IL16: variants seen among roughly 807,000 people sequenced by gnomAD.
IL16 encodes interleukin 16, also known as pro-interleukin-16.
A neutral mutation model predicts 110.1 loss-of-function variants in IL16; 67 were observed. The ratio of observed to expected loss-of-function variants is 0.61; its 90% CI spans 0.50 to 0.75. The LOEUF (loss-of-function observed/expected upper bound fraction) is 0.75. IL16 is among the 30% of genes least tolerant of loss of function. IL16 has a pLI of 0.00. For synonymous variants in IL16, 689 were observed against 662.9 expected, an observed-to-expected ratio of 1.04 and a Z score of -0.61; for missense variants, 1,545 against 1,655.0, an observed-to-expected ratio of 0.93 and a Z score of 1.15.
chr15:81,251,824 A>G (rs1269916187), intron 2 of IL16, among the ~76,000 whole-genome samples: 2 of 152,174 alleles, frequency 1.3e-5, no homozygotes, highest in African/African-American at 4.8e-5. Flanking sequence ...CTGTTTCTGG[A>G]AAAAAATAGC....
intron 2 of IL16, among the ~76,000 whole-genome samples, chr15:81,255,594 G>A (rs985475441): frequency 2.0e-5 from 3 of 152,210 alleles, no homozygotes; most frequent in South Asian, 2.1e-4. Context: ...TGAGATTGCT[G>A]TTCCCAGGTG....
chr15:81,293,877 C>CA (rs2141583309), intron 12 of IL16, among the ~76,000 whole-genome samples: 1 of 152,328 alleles, frequency 6.6e-6, no homozygotes, highest in Admixed American at 6.5e-5. Context: ...TTAAATCTTA[C>CA]AACCACCTGA....
At chr15:81,198,361 G>A (rs8027891) in intron 1 of IL16, among the ~76,000 whole-genome samples, 37,170 of 151,796 alleles carry the variant, frequency 0.24, 6,426 homozygotes, top group East Asian at 0.48. Context: ...TCAGCTAGAC[G>A]TTCCCAGGAC....
At chr15:81,288,749 T>C (rs1333532888) in intron 10 of IL16, among the ~76,000 whole-genome samples, 1 of 152,228 alleles carries the variant, frequency 6.6e-6, no homozygotes, top group Non-Finnish European at 1.5e-5. Context: ...CTTCGCGTAA[T>C]GTCCTCAAGG....
At chr15:81,301,644 G>A (rs1900292801) in intron 15 of IL16, 132 bp downstream of exon 15, 3 of 705,724 alleles carry the variant, frequency 4.3e-6, no homozygotes, top group Non-Finnish European at 7.1e-6. Context: ...CTGTGATGGT[G>A]GGACACTGTA....
At chr15:81,202,207 T>C (rs1895842347) in intron 1 of IL16, among the ~76,000 whole-genome samples, 1 of 152,166 alleles carries the variant, frequency 6.6e-6, no homozygotes, top group Non-Finnish European at 1.5e-5. Context: ...ACTCGAAATA[T>C]GACAGACAGA....
upstream of IL16, among the ~76,000 whole-genome samples, chr15:81,194,767 C>A (rs1895554646): frequency 6.6e-6 from 1 of 152,130 alleles, no homozygotes; most frequent in African/African-American, 2.4e-5. Flanking sequence ...CCTCTATTGC[C>A]TCATTCTCTC....
chr15:81,255,426 A>G (rs1897910472), intron 2 of IL16, among the ~76,000 whole-genome samples: 1 of 152,228 alleles, frequency 6.6e-6, no homozygotes, highest in Non-Finnish European at 1.5e-5. Context: ...CAGCTACTTC[A>G]GAGACTGGCT....
chr15:81,206,356 T>A (rs1449577545), intron 1 of IL16, among the ~76,000 whole-genome samples: 1 of 152,230 alleles, frequency 6.6e-6, no homozygotes, highest in Non-Finnish European at 1.5e-5. Context: ...TAAGTATTTG[T>A]GTATCTGAAC....
chr15:81,236,321 G>A (rs550815098), intron 2 of IL16, among the ~76,000 whole-genome samples: 130 of 152,278 alleles, frequency 8.5e-4, no homozygotes, highest in African/African-American at 2.9e-3. Context: ...TCTTCCTGCC[G>A]CAGAAGAGCG....
chr15:81,264,089 G>C (rs988234215), intron 3 of IL16, among the ~76,000 whole-genome samples: 1 of 152,156 alleles, frequency 6.6e-6, no homozygotes, highest in Non-Finnish European at 1.5e-5. Context: ...AAACACTCCG[G>C]ATAAATATAA....
intron 1 of IL16, among the ~76,000 whole-genome samples, chr15:81,189,121 T>C (rs1033602038): frequency 1.1e-3 from 60 of 55,370 alleles, no homozygotes; most frequent in Non-Finnish European, 1.5e-3. Context: ...GCCAAGATAA[T>C]TTTTTTTTTT....
At chr15:81,200,708 A>G (rs868345196) in intron 1 of IL16, among the ~76,000 whole-genome samples, 2 of 152,304 alleles carry the variant, frequency 1.3e-5, no homozygotes, top group South Asian at 4.1e-4. Context: ...ATAGTCCTGT[A>G]GAACACTGGG....
upstream of IL16, among the ~76,000 whole-genome samples, chr15:81,196,631 G>A (rs1423149078): frequency 4.6e-5 from 7 of 152,184 alleles, no homozygotes; most frequent in Non-Finnish European, 7.3e-5. Context: ...GGCTCTCCTA[G>A]TCATTTCTGT....
chr15:81,192,544 G>C (rs997823062), upstream of IL16, among the ~76,000 whole-genome samples: 1 of 152,182 alleles, frequency 6.6e-6, no homozygotes, highest in Admixed American at 6.5e-5. Flanking sequence ...GGAGTTTAAG[G>C]CTGCAGTTAG....
Position 81,197,290 on chromosome 15 carries a change from G to A in IL16, c.-102+138G>A, listed in dbSNP as rs191753582. The A allele has an allele frequency of 4.7e-3, 2,088 of 445,830 alleles. 13 individuals carry two copies. The highest frequency in any genetic ancestry group is 6.6e-3 in the Non-Finnish European group (1,734 of 262,310). The allele number at this position is 445,830 out of a possible 1,614,324, so 27.6% of individuals were successfully genotyped here. A position where few individuals can be genotyped will look rare whatever the true frequency, so the allele number is the denominator to read the frequency against. ...ATATTTGGAAGTGGTGCTGGGGTCA[G>A]GGGCAGGAGCAGAAGCCAGGATTGT... is the stretch of plus-strand genomic sequence containing the variant. On this transcript the variant is annotated intron_variant, in intron 1 of 18. Coordinates refer to ENST00000683961, the MANE Select transcript of IL16 (RefSeq NM_172217.5).
At chr15:81,210,080 A>G (rs1896181821) in intron 1 of IL16, among the ~76,000 whole-genome samples, 1 of 152,230 alleles carries the variant, frequency 6.6e-6, no homozygotes, top group Non-Finnish European at 1.5e-5. Context: ...ATTCTTCAGC[A>G]TATGGCTAGC....
intron 2 of IL16, among the ~76,000 whole-genome samples, chr15:81,228,180 C>A (rs1403070105): frequency 6.6e-6 from 1 of 152,120 alleles, no homozygotes; most frequent in Non-Finnish European, 1.5e-5. Context: ...TCACTCTGTC[C>A]TTGTACCTAT....
At chr15:81,231,320 G>GTC (rs1304721258) in intron 2 of IL16, among the ~76,000 whole-genome samples, 22 of 50,980 alleles carry the variant, frequency 4.3e-4, no homozygotes, top group Non-Finnish European at 5.3e-4. Flanking sequence ...CCCAAGGTCG[G>GTC]TCTGTCTCTC....
Sources: allele counts gnomAD v4.1 joint callset (sites outside exome capture counted in the v4.1 genomes callset), GRCh38; gene constraint gnomAD v4.1.1; transcripts MANE v1.5; gene names NCBI Gene and HGNC (gene_info 2026-07-23, HGNC 2026-07-21).